Variants in UBE2E2 observed in about 807,000 individuals in gnomAD.
UBE2E2 encodes ubiquitin-conjugating enzyme E2 E2.
Under a neutral mutation model 24.7 loss-of-function variants are expected in UBE2E2, and 6 were observed. That is an observed-to-expected ratio of 0.24 (90% CI 0.13 to 0.48). UBE2E2 has a LOEUF of 0.48. Ranked by LOEUF, UBE2E2 falls within the 20% of genes least tolerant of loss-of-function variation. The pLI, the probability that UBE2E2 is intolerant of heterozygous loss-of-function variation, is 0.99. For missense variants in UBE2E2, 169 were observed against 245.0 expected (o/e 0.69, Z 2.07); for synonymous variants, 104 against 83.6 (o/e 1.24, Z -1.33).
At chr3:23,297,441 A>G (rs1296292611) in intron 3 of UBE2E2, among the ~76,000 whole-genome samples, 1 of 152,052 alleles carries the variant, frequency 6.6e-6, no homozygotes, top group East Asian at 1.9e-4. Flanking sequence ...TTATGGTTTT[A>G]GGTCTAACGT....
intron 3 of UBE2E2, among the ~76,000 whole-genome samples, chr3:23,249,271 C>CAAA (rs58820253): frequency 7.3e-6 from 1 of 137,640 alleles, no homozygotes; most frequent in African/African-American, 2.7e-5. Flanking sequence ...GACCCTGTCT[C>CAAA]AAAAAAAAAA....
At chr3:23,242,467 T>C (rs1412459377) in intron 3 of UBE2E2, among the ~76,000 whole-genome samples, 1 of 146,702 alleles carries the variant, frequency 6.8e-6, no homozygotes, top group Non-Finnish European at 1.5e-5. Flanking sequence ...TTGTTAAATT[T>C]ATGGAAATAT....
chr3:23,303,073 A>G (rs1190856774), intron 3 of UBE2E2, among the ~76,000 whole-genome samples: 1 of 152,168 alleles, frequency 6.6e-6, no homozygotes, highest in Non-Finnish European at 1.5e-5. Context: ...GCCTCCCGTC[A>G]GATCAGCGAT....
At chr3:23,415,432 T>G (rs866437647) in intron 3 of UBE2E2, among the ~76,000 whole-genome samples, 3 of 152,204 alleles carry the variant, frequency 2.0e-5, no homozygotes, top group African/African-American at 7.2e-5. Flanking sequence ...CAACATCCTT[T>G]GCTACCATAG....
At chr3:23,460,581 G>A (rs1235459557) in intron 3 of UBE2E2, among the ~76,000 whole-genome samples, 1 of 152,096 alleles carries the variant, frequency 6.6e-6, no homozygotes, top group African/African-American at 2.4e-5. Flanking sequence ...TATAAATACC[G>A]ATAATATAAA....
chr3:23,384,410 C>G (rs1696753653), intron 3 of UBE2E2, among the ~76,000 whole-genome samples: 1 of 152,148 alleles, frequency 6.6e-6, no homozygotes, highest in Admixed American at 6.5e-5. Context: ...GCAGTCTTGC[C>G]ACCCCAGCCT....
At chr3:23,361,355 A>G (rs1030404546) in intron 3 of UBE2E2, among the ~76,000 whole-genome samples, 1 of 151,476 alleles carries the variant, frequency 6.6e-6, no homozygotes, top group African/African-American at 2.4e-5. Context: ...ATAAGTCATT[A>G]TGTGAAAAAG....
chr3:23,369,066 A>G (rs1183379477), intron 3 of UBE2E2, among the ~76,000 whole-genome samples: 1 of 152,178 alleles, frequency 6.6e-6, no homozygotes, highest in African/African-American at 2.4e-5. Flanking sequence ...TGCAGATACT[A>G]GTCTTGATTT....
intron 3 of UBE2E2, among the ~76,000 whole-genome samples, chr3:23,336,234 A>G (rs1296400787): frequency 1.3e-5 from 2 of 151,906 alleles, no homozygotes; most frequent in Admixed American, 6.6e-5. Flanking sequence ...GAATGGGGGG[A>G]AAAGGAGGGA....
chr3:23,428,483 AAAG>A (rs1308437782), intron 3 of UBE2E2, among the ~76,000 whole-genome samples: 13 of 152,236 alleles, frequency 8.5e-5, no homozygotes, highest in Admixed American at 8.5e-4. Flanking sequence ...CTACCTTAGA[AAAG>A]AAGAAAAAGA....
chr3:23,525,984 T>G (rs895392316), intron 4 of UBE2E2, among the ~76,000 whole-genome samples: 2 of 152,234 alleles, frequency 1.3e-5, no homozygotes, highest in Admixed American at 6.5e-5. Flanking sequence ...AAACAATTCC[T>G]TATCAGTTTG....
At chr3:23,394,168 C>T (rs1697019092) in intron 3 of UBE2E2, among the ~76,000 whole-genome samples, 2 of 152,130 alleles carry the variant, frequency 1.3e-5, no homozygotes, top group African/African-American at 4.8e-5. Flanking sequence ...TTGTTTTCTG[C>T]CGTATGTGGG....
intron 3 of UBE2E2, among the ~76,000 whole-genome samples, chr3:23,271,717 C>T (rs1698248071): frequency 6.6e-6 from 1 of 152,068 alleles, no homozygotes; most frequent in Non-Finnish European, 1.5e-5. Context: ...ATTAACTAGA[C>T]ACAGAGCACT....
intron 3 of UBE2E2, among the ~76,000 whole-genome samples, chr3:23,349,042 C>G (rs1429086979): frequency 2.0e-5 from 3 of 152,144 alleles, no homozygotes; most frequent in Admixed American, 2.0e-4. Flanking sequence ...GGCTGCAAGA[C>G]TGAAATTGGC....
At chr3:23,389,394 T>A (rs1696883657) in intron 3 of UBE2E2, among the ~76,000 whole-genome samples, 1 of 152,204 alleles carries the variant, frequency 6.6e-6, no homozygotes, top group African/African-American at 2.4e-5. Flanking sequence ...TTATTACGAA[T>A]GGAGTTGACT....
chr3:23,522,158 T>C (rs890455980), intron 4 of UBE2E2, among the ~76,000 whole-genome samples: 1 of 96,994 alleles, frequency 1.0e-5, no homozygotes, highest in Non-Finnish European at 1.9e-5. Flanking sequence ...TGAGGCAGAG[T>C]CTCGCTCTGT....
intron 3 of UBE2E2, among the ~76,000 whole-genome samples, chr3:23,384,252 T>C: frequency 6.6e-6 from 1 of 152,186 alleles, no homozygotes; most frequent in Admixed American, 6.5e-5. Context: ...AGCCTCGACC[T>C]CCTGGGCTCA....
chr3:23,588,556 A>G (rs1696684332), intron 5 of UBE2E2, among the ~76,000 whole-genome samples: 1 of 151,644 alleles, frequency 6.6e-6, no homozygotes, highest in Admixed American at 6.6e-5. Context: ...TGCTAATATT[A>G]CAAGCATGAG....
intron 3 of UBE2E2, among the ~76,000 whole-genome samples, chr3:23,366,807 T>C (rs1407282605): frequency 6.6e-6 from 1 of 152,084 alleles, no homozygotes; most frequent in Non-Finnish European, 1.5e-5. Flanking sequence ...GATCAGACAT[T>C]TAGAGTAAAT....
Sources: allele counts gnomAD v4.1 joint callset (sites outside exome capture counted in the v4.1 genomes callset), GRCh38; gene constraint gnomAD v4.1.1; transcripts MANE v1.5; gene names NCBI Gene and HGNC (gene_info 2026-07-23, HGNC 2026-07-21).